The following FGGY variants were observed in gnomAD, a reference collection of about 807,000 sequenced individuals.
FGGY encodes FGGY carbohydrate kinase domain containing, also known as FGGY carbohydrate kinase domain-containing protein.
A neutral mutation model predicts 71.3 loss-of-function variants in FGGY; 72 were observed. The observed-to-expected ratio is 1.01, with a 90% CI of 0.84 to 1.23. The LOEUF (loss-of-function observed/expected upper bound fraction) is 1.23. Ranked by LOEUF, FGGY falls within the 50% of genes most tolerant of loss-of-function variation. FGGY has a pLI of 0.00. For missense variants in FGGY, 668 were observed against 682.3 expected (o/e 0.98, Z 0.23); for synonymous variants, 251 against 250.3 (o/e 1.00, Z -0.02).
intron 14 of FGGY, among the ~76,000 whole-genome samples, chr1:59,735,190 C>A (rs967554663): frequency 3.3e-5 from 5 of 152,304 alleles, no homozygotes; most frequent in Admixed American, 6.5e-5. Flanking sequence ...CACTCTCCCC[C>A]TCTCCAACCC....
intron 2 of FGGY, among the ~76,000 whole-genome samples, chr1:59,322,369 C>T (rs933020440): frequency 6.8e-6 from 1 of 147,144 alleles, no homozygotes; most frequent in South Asian, 2.1e-4. Context: ...GTGGTGATTT[C>T]TGAGATTTTG....
intron 7 of FGGY, among the ~76,000 whole-genome samples, chr1:59,538,879 A>C (rs1366343602): frequency 3.3e-5 from 5 of 151,214 alleles, no homozygotes; most frequent in Admixed American, 2.0e-4. Context: ...TAGCATTGGG[A>C]GATATACCTA....
At chr1:59,651,051 C>T (rs1254587773) in intron 11 of FGGY, among the ~76,000 whole-genome samples, 2 of 151,264 alleles carry the variant, frequency 1.3e-5, no homozygotes, top group East Asian at 1.9e-4. Flanking sequence ...TTCCATGTAG[C>T]TGAGCAGCTT....
At chr1:59,349,474 A>AATGC (rs2052804934) in intron 4 of FGGY, among the ~76,000 whole-genome samples, 1 of 152,166 alleles carries the variant, frequency 6.6e-6, no homozygotes, top group South Asian at 2.1e-4. Flanking sequence ...AGGAGATCTA[A>AATGC]ATGCATATCT....
intron 12 of FGGY, among the ~76,000 whole-genome samples, chr1:59,664,085 C>T (rs951340405): frequency 6.6e-6 from 1 of 152,158 alleles, no homozygotes; most frequent in Admixed American, 6.5e-5. Flanking sequence ...TTATCCATAG[C>T]CTGTTCATCT....
intron 14 of FGGY, chr1:59,756,153 C>T (rs1213708048): frequency 2.0e-5 from 3 of 152,180 alleles, no homozygotes; most frequent in African/African-American, 7.2e-5. Flanking sequence ...CACAAAATGA[C>T]TCCAGACAGC....
chr1:59,532,959 T>A (rs2153666784), intron 7 of FGGY, among the ~76,000 whole-genome samples: 1 of 152,346 alleles, frequency 6.6e-6, no homozygotes, highest in South Asian at 2.1e-4. Flanking sequence ...TTTATTTCTC[T>A]AATCCAGAGG....
intron 14 of FGGY, among the ~76,000 whole-genome samples, chr1:59,733,899 T>C (rs2098073640): frequency 6.6e-6 from 1 of 152,242 alleles, no homozygotes; most frequent in Non-Finnish European, 1.5e-5. Flanking sequence ...GCATGTTTTC[T>C]GCCTCCTGAG....
chr1:59,453,169 C>T (rs2091358187), intron 5 of FGGY, among the ~76,000 whole-genome samples: 1 of 152,132 alleles, frequency 6.6e-6, no homozygotes, highest in Non-Finnish European at 1.5e-5. Flanking sequence ...GTCCATATTA[C>T]CCATCAGTTT....
chr1:59,522,963 T>C (rs1056605389), intron 7 of FGGY, among the ~76,000 whole-genome samples: 1 of 152,238 alleles, frequency 6.6e-6, no homozygotes, highest in Non-Finnish European at 1.5e-5. Flanking sequence ...TACAGAACTG[T>C]ATCTGGTATT....
At chr1:59,377,644 A>G (rs1438592311) in intron 4 of FGGY, among the ~76,000 whole-genome samples, 2 of 152,148 alleles carry the variant, frequency 1.3e-5, no homozygotes, top group African/African-American at 4.8e-5. Flanking sequence ...TGGGGGTGGT[A>G]TGGGTTGTAT....
intron 1 of FGGY, among the ~76,000 whole-genome samples, chr1:59,306,112 T>G (rs1231677132): frequency 1.3e-5 from 2 of 152,216 alleles, no homozygotes; most frequent in East Asian, 3.8e-4. Context: ...TCCAATGTCA[T>G]GAGAATCTTT....
chr1:59,592,172 A>C (rs1052817733), intron 8 of FGGY, among the ~76,000 whole-genome samples: 3 of 152,254 alleles, frequency 2.0e-5, no homozygotes, highest in East Asian at 1.9e-4. Context: ...CAGCAAAAAA[A>C]CACATGAAAA....
intron 15 of FGGY, among the ~76,000 whole-genome samples, chr1:59,762,284 A>G (rs2098349025): frequency 6.6e-6 from 1 of 152,124 alleles, no homozygotes; most frequent in Admixed American, 6.5e-5. Context: ...GATGGGGTTT[A>G]AATGTTCTTA....
chr1:59,535,668 A>G (rs1480856022), intron 7 of FGGY, among the ~76,000 whole-genome samples: 2 of 151,008 alleles, frequency 1.3e-5, no homozygotes, highest in African/African-American at 4.9e-5. Flanking sequence ...AGAACTCAGG[A>G]TTAAGAATCT....
At chr1:59,714,597 G>A (rs897682388) in intron 14 of FGGY, among the ~76,000 whole-genome samples, 1 of 152,202 alleles carries the variant, frequency 6.6e-6, no homozygotes, top group African/African-American at 2.4e-5. Flanking sequence ...GCTGATTGCT[G>A]TTAAATTCAC....
intron 10 of FGGY, among the ~76,000 whole-genome samples, chr1:59,631,869 A>G (rs541229155): frequency 6.6e-6 from 1 of 152,264 alleles, no homozygotes; most frequent in South Asian, 2.1e-4. Context: ...ATTTGCAGAT[A>G]TTTCACTCTT....
At chr1:59,338,014 T>C (rs1007221496) in intron 2 of FGGY, among the ~76,000 whole-genome samples, 5 of 152,222 alleles carry the variant, frequency 3.3e-5, no homozygotes, top group African/African-American at 1.2e-4. Context: ...TATCAGGTTG[T>C]AGAAGTTCTC....
chr1:59,449,201 T>C lies in FGGY; in HGVS notation c.555-7760T>C, dbSNP rs545529194. On this transcript the variant is annotated intron_variant, in intron 5 of 15. Transcript: ENST00000303721. ...TCTCAATATGTAATGTACCTGTTTA[T>C]TCCTGGTAACATTTCTTGTTCTGAA... Among the ~76,000 whole-genome samples, 5 of 152,328 alleles carry C rather than the reference T, an allele frequency of 3.3e-5. No individual in the cohort carries two copies. The South Asian group carries it at 8.3e-4, about 25-fold the overall frequency.
Sources: allele counts gnomAD v4.1 joint callset (sites outside exome capture counted in the v4.1 genomes callset), GRCh38; gene constraint gnomAD v4.1.1; transcripts MANE v1.5; gene names NCBI Gene and HGNC (gene_info 2026-07-23, HGNC 2026-07-21).